Variants in TTC7B observed in about 807,000 individuals in gnomAD.
TTC7B encodes tetratricopeptide repeat protein 7B.
TTC7B carries 28 observed loss-of-function variants against 106.8 expected under a neutral mutation model. The observed-to-expected ratio is 0.26, with a 90% CI of 0.19 to 0.36. The LOEUF is 0.36. Among genes scored for constraint, TTC7B ranks in the 10% least tolerant of loss-of-function variants. The probability of loss-of-function intolerance (pLI) is 1.00; values close to 1 mark genes in which losing one functional copy is unlikely to be tolerated. For synonymous variants in TTC7B, 405 were observed against 430.6 expected, an observed-to-expected ratio of 0.94 and a Z score of 0.74; for missense variants, 862 against 1,076.4, an observed-to-expected ratio of 0.80 and a Z score of 2.79.
intron 19 of TTC7B, among the ~76,000 whole-genome samples, chr14:90,562,382 C>T (rs568180202): frequency 7.9e-5 from 12 of 152,322 alleles, no homozygotes; most frequent in African/African-American, 2.2e-4. Context: ...GGACTGTCAA[C>T]GTGTTATGAC....
chr14:90,695,497 T>TA lies in TTC7B; in HGVS notation c.777+2dup. 6.3e-7 allele frequency: 1 copy of TA among 1,588,160 alleles called. No individual in the cohort carries two copies. The highest frequency in any genetic ancestry group is 8.6e-7 in the Non-Finnish European group (1 of 1,167,954). On this transcript the variant is annotated splice_region_variant and intron_variant, in intron 6 of 19. Transcript: ENST00000328459. ...CCTCAATCAAGTCACTGTTCACACT[T>TA]ACCATTCGCAGGTTTTGAGTCGTTC...
intron 19 of TTC7B, among the ~76,000 whole-genome samples, chr14:90,542,440 T>C (rs1302921460): frequency 6.6e-6 from 1 of 152,100 alleles, no homozygotes; most frequent in Non-Finnish European, 1.5e-5. Flanking sequence ...TATTTCATCA[T>C]CATTGCGTTT....
intron 16 of TTC7B, among the ~76,000 whole-genome samples, chr14:90,613,770 C>T (rs1892962315): frequency 6.6e-6 from 1 of 152,240 alleles, no homozygotes; most frequent in East Asian, 1.9e-4. Flanking sequence ...GAGAGAAAAC[C>T]ATTCCTGGTG....
At chr14:90,550,510 G>A (rs1890032126) in intron 19 of TTC7B, among the ~76,000 whole-genome samples, 1 of 152,124 alleles carries the variant, frequency 6.6e-6, no homozygotes, top group Admixed American at 6.5e-5. Flanking sequence ...CTCTCAAAGT[G>A]CTTGCTTTTG....
chr14:90,771,328 G>A (rs1249554040), intron 3 of TTC7B, among the ~76,000 whole-genome samples: 2 of 152,180 alleles, frequency 1.3e-5, no homozygotes, highest in African/African-American at 4.8e-5. Flanking sequence ...CGGCACCGTG[G>A]CTCACGTCTG....
At chr14:90,661,446 G>A (rs1471623193) in intron 9 of TTC7B, among the ~76,000 whole-genome samples, 1 of 152,180 alleles carries the variant, frequency 6.6e-6, no homozygotes, top group Non-Finnish European at 1.5e-5. Context: ...AGGTCTGGGA[G>A]GCATGGGCTG....
intron 4 of TTC7B, among the ~76,000 whole-genome samples, chr14:90,733,671 C>G (rs1196612518): frequency 8.5e-5 from 13 of 152,194 alleles, no homozygotes; most frequent in Non-Finnish European, 7.3e-5. Context: ...GCAGCTGGCT[C>G]TGGCAGAAGC....
Position 90,541,118 on chromosome 14 carries a change from T to A in TTC7B, c.*250A>T, listed in dbSNP as rs1889558428. 2 of 413,084 alleles carry A rather than the reference T, an allele frequency of 4.8e-6. No homozygotes were observed. The highest frequency in any genetic ancestry group is 8.2e-5 in the Admixed American group (2 of 24,366). The allele number at this position is 413,084 out of a possible 1,614,324, so 25.6% of individuals were successfully genotyped here. On this transcript the variant is annotated 3_prime_UTR_variant, in exon 20 of 20. Transcript: ENST00000328459. ...AACTCAGATGTCAACTAACAAAATA[T>A]GGCACATGATCCATTTTGAACAATG...
intron 5 of TTC7B, among the ~76,000 whole-genome samples, chr14:90,695,969 C>G (rs924756104): frequency 1.3e-5 from 2 of 151,974 alleles, no homozygotes; most frequent in African/African-American, 4.8e-5. Flanking sequence ...GAGCAAGCAC[C>G]GTGTGCAACA....
At chr14:90,672,212 CTCT>C (rs774924786) in intron 9 of TTC7B, among the ~76,000 whole-genome samples, 2 of 152,172 alleles carry the variant, frequency 1.3e-5, no homozygotes, top group Non-Finnish European at 2.9e-5. Context: ...GAGTTAAGAC[CTCT>C]TCTCTCTCTC....
rs1889277394 is a variant in TTC7B, at chr14:90,531,306, C to T, written c.*10062G>A. On this transcript the variant is annotated 3_prime_UTR_variant, in exon 20 of 20. Transcript: ENST00000328459. Reference sequence around the variant, plus strand: ...AAAAAAACAGCTGGGCACAGTGGCTCACGCCTGTAATCCCAGCACTTTGGG... The same window carrying T: ...AAAAAAACAGCTGGGCACAGTGGCTTACGCCTGTAATCCCAGCACTTTGGG... 6.6e-6 allele frequency: 1 copy of T among 152,228 alleles called. No individual in the cohort carries two copies. Among genetic ancestry groups the T allele is most frequent in the Non-Finnish European group, 1.5e-5 (1 of 68,088 alleles). 9.4% of individuals were successfully genotyped at this position (152,228 alleles called of 1,614,324 possible). A position where few individuals can be genotyped will look rare whatever the true frequency, so the allele number is the denominator to read the frequency against.
chr14:90,573,729 C>T (rs891945263), intron 19 of TTC7B, among the ~76,000 whole-genome samples: 10 of 152,210 alleles, frequency 6.6e-5, no homozygotes, highest in African/African-American at 2.4e-4. Context: ...ACTTGCTGTC[C>T]ACTCCGCCAA....
intron 15 of TTC7B, among the ~76,000 whole-genome samples, chr14:90,621,684 G>A (rs1404299665): frequency 6.6e-6 from 1 of 152,200 alleles, no homozygotes; most frequent in Non-Finnish European, 1.5e-5. Context: ...CCTGCCCGTC[G>A]CCAACACTCC....
intron 2 of TTC7B, among the ~76,000 whole-genome samples, chr14:90,784,690 A>G (rs1043389461): frequency 2.0e-5 from 3 of 151,970 alleles, no homozygotes; most frequent in African/African-American, 7.2e-5. Flanking sequence ...AGAGAAACTG[A>G]ATGGGGAAAG....
At chr14:90,743,175 A>G (rs1889833195) in intron 4 of TTC7B, among the ~76,000 whole-genome samples, 1 of 152,230 alleles carries the variant, frequency 6.6e-6, no homozygotes, top group Admixed American at 6.5e-5. Flanking sequence ...GGCAAGACAG[A>G]CATGTATCTT....
At chr14:90,630,845 T>G (rs1460184741) in intron 15 of TTC7B, among the ~76,000 whole-genome samples, 2 of 151,544 alleles carry the variant, frequency 1.3e-5, no homozygotes, top group African/African-American at 2.4e-5. Flanking sequence ...TTTGTTTTTT[T>G]TTTTTTTGAG....
chr14:90,563,901 C>T (rs768665868), intron 19 of TTC7B, among the ~76,000 whole-genome samples: 24 of 152,256 alleles, frequency 1.6e-4, no homozygotes, highest in African/African-American at 2.4e-4. Flanking sequence ...GTCACATCTC[C>T]GGGCTCCATT....
chr14:90,625,574 T>C (rs1214808681), intron 15 of TTC7B, among the ~76,000 whole-genome samples: 1 of 152,202 alleles, frequency 6.6e-6, no homozygotes, highest in Non-Finnish European at 1.5e-5. Flanking sequence ...ATACCGTCAC[T>C]GGCCCGACCT....
At chr14:90,756,538 C>T (rs907948825) in intron 3 of TTC7B, among the ~76,000 whole-genome samples, 4 of 151,834 alleles carry the variant, frequency 2.6e-5, no homozygotes, top group African/African-American at 7.3e-5. Flanking sequence ...GGACTACAGG[C>T]GTGCGCCACC....
Sources: gnomAD v4.1 joint callset for allele counts (sites outside exome capture counted in the v4.1 genomes callset) on GRCh38, gnomAD v4.1.1 for gene constraint, MANE v1.5 for transcripts, NCBI Gene and HGNC (gene_info 2026-07-23, HGNC 2026-07-21) for gene names.